WDR64: variants seen among roughly 807,000 people sequenced by gnomAD.
WDR64 encodes the protein WD repeat domain 64.
A neutral mutation model predicts 139.3 loss-of-function variants in WDR64; 112 were observed. The observed-to-expected ratio is 0.80, with a 90% CI of 0.69 to 0.94. The LOEUF is 0.94. WDR64 is among the 40% of genes least tolerant of loss of function. The pLI is 0.00. For synonymous variants in WDR64, 444 were observed against 437.7 expected, an observed-to-expected ratio of 1.01 and a Z score of -0.18; for missense variants, 1,206 against 1,293.1, an observed-to-expected ratio of 0.93 and a Z score of 1.03.
At chr1:241,751,707 A>G (rs1053822836) in intron 14 of WDR64, among the ~76,000 whole-genome samples, 2 of 152,192 alleles carry the variant, frequency 1.3e-5, no homozygotes, top group Admixed American at 1.3e-4. Context: ...ACCCTTGTGC[A>G]ACTGCCCGCT....
chr1:241,684,724 A>C (rs781001081), intron 7 of WDR64, among the ~76,000 whole-genome samples: 2 of 152,128 alleles, frequency 1.3e-5, no homozygotes, highest in Non-Finnish European at 2.9e-5. Context: ...TATCTTCAAA[A>C]ATATCAGTAT....
rs1158083004 is a variant in WDR64 at position 241,656,436 on chromosome 1, C to T, written c.145+3807C>T. ...AGGACAAAGAAAGTCTCATTATCCT[C>T]ATCCAGTGATATTTACAATGAAACT... On this transcript the variant is annotated intron_variant, in intron 1 of 27. Coordinates refer to ENST00000437684, the MANE Select transcript of WDR64 (RefSeq NM_001367482.1). The surrounding 1 kb of genome is among the most constrained non-coding windows in gnomAD (Gnocchi z 4.3). Among the ~76,000 whole-genome samples, 1 of 152,200 alleles carries T rather than the reference C, an allele frequency of 6.6e-6. No individual in the cohort carries two copies. Among genetic ancestry groups the T allele is most frequent in the Non-Finnish European group, 1.5e-5 (1 of 68,034 alleles).
chr1:241,741,489 T>C, intron 11 of WDR64, 27 bp from the exon 12 acceptor site: 1 of 1,570,892 alleles, frequency 6.4e-7, no homozygotes, highest in Non-Finnish European at 8.6e-7. Flanking sequence ...ATATTGCATA[T>C]TTATGAGATT....
At position 241,674,546 on chromosome 1, in the gene WDR64, G is replaced by A. The variant is rs1161443178; in HGVS notation, c.380-98G>A. 4 of 684,770 alleles carry A rather than the reference G, an allele frequency of 5.8e-6. No homozygotes were observed. The East Asian group carries it at 1.2e-4, about 21-fold the overall frequency. 42.4% of individuals were successfully genotyped at this position (684,770 alleles called of 1,614,324 possible). On this transcript the variant is annotated intron_variant, in intron 3 of 27. Coordinates refer to ENST00000437684, the MANE Select transcript of WDR64 (RefSeq NM_001367482.1). ...CTGGGATTACAGGAGTGAGCCACTT[G>A]TGCCCTGGCCATATCATTTTTTAAA...
At chr1:241,739,235 C>A (rs981385682) in intron 11 of WDR64, among the ~76,000 whole-genome samples, 2 of 152,196 alleles carry the variant, frequency 1.3e-5, no homozygotes, top group Admixed American at 1.3e-4. Context: ...CTAGGTTGAG[C>A]ACTTTTTATA....
Position 241,738,490 on chromosome 1 carries a change from G to GT in WDR64, c.1321+2dup, listed in dbSNP as rs775257644. 34 of 1,605,768 alleles carry GT rather than the reference G, an allele frequency of 2.1e-5. No individual in the cohort carries two copies. The highest frequency in any genetic ancestry group is 2.9e-5 in the Non-Finnish European group (34 of 1,176,900). ...GCCAATCATGGCATGCTTATTACGG[G>GT]TAAGTGTACCCAATTAATGTCAAAC... On this transcript the variant is annotated splice_donor_variant, in intron 11 of 27. Transcript: ENST00000437684. LOFTEE classifies it high-confidence loss of function.
rs771626019 is a variant in WDR64 at position 241,652,977 on chromosome 1, AC to A, written c.145+349del. On this transcript the variant is annotated intron_variant, in intron 1 of 27. Transcript: ENST00000437684. The stretch of plus-strand genomic sequence containing the variant: ...CCTGGGATGCTCAGTAATGTATAGC[AC>A]TGCTTTTTCTTAGCCTAAAGATATC... Among the ~76,000 whole-genome samples, 19 of 152,358 alleles carry A rather than the reference AC, an allele frequency of 1.2e-4. No individual in the cohort carries two copies. The East Asian group carries it at 2.1e-3, about 17-fold the overall frequency.
At chr1:241,750,322 C>T (rs1363221854) in intron 14 of WDR64, among the ~76,000 whole-genome samples, 2 of 152,144 alleles carry the variant, frequency 1.3e-5, no homozygotes, top group African/African-American at 2.4e-5. Context: ...CACCCCATCA[C>T]CTCGAACTCA....
At chr1:241,769,631 C>A in intron 17 of WDR64, 126 bp downstream of exon 17, 1 of 824,706 alleles carries the variant, frequency 1.2e-6, no homozygotes, top group East Asian at 2.7e-5. Flanking sequence ...TTCATCCCAG[C>A]ATTAAAGAAG....
intron 23 of WDR64, among the ~76,000 whole-genome samples, chr1:241,784,141 G>T (rs1010411637): frequency 6.6e-6 from 1 of 152,194 alleles, no homozygotes; most frequent in African/African-American, 2.4e-5. Context: ...TGAGGCTAGT[G>T]AGTTAGACAG....
chr1:241,725,467 T>C (rs563443358), intron 10 of WDR64, among the ~76,000 whole-genome samples: 6 of 148,802 alleles, frequency 4.0e-5, no homozygotes, highest in Non-Finnish European at 8.9e-5. Flanking sequence ...CTCTACCCGA[T>C]GCAAAACCCT....
chr1:241,652,526 G>A lies in WDR64; in HGVS notation c.42G>A (p.Gln14=). The A allele has an allele frequency of 6.4e-7, 1 of 1,552,294 alleles. No individual in the cohort carries two copies. Among genetic ancestry groups the A allele is most frequent in the Non-Finnish European group, 8.7e-7 (1 of 1,147,122 alleles). The change falls in exon 1 of 28, where the codon CAG becomes CAA. Residue 14 remains glutamine, a synonymous_variant. Transcript: ENST00000437684. The part of the protein sequence containing the change: ...RKEKRLNMAL[Q]MSNFKKALNR... ...AAAAGCGTCTCAACATGGCACTTCAGATGAGCAATTTCAAAAAGGCTTTGA... is the reference window on the plus strand; with the variant it reads ...AAAAGCGTCTCAACATGGCACTTCAAATGAGCAATTTCAAAAAGGCTTTGA...
At chr1:241,671,943 G>T (rs1229681339) in intron 3 of WDR64, among the ~76,000 whole-genome samples, 3 of 152,156 alleles carry the variant, frequency 2.0e-5, no homozygotes, top group Admixed American at 6.5e-5. Context: ...GGAGGTCAAG[G>T]GGGGATGGAT....
chr1:241,672,017 A>G (rs953438865), intron 3 of WDR64, among the ~76,000 whole-genome samples: 1 of 152,128 alleles, frequency 6.6e-6, no homozygotes, highest in African/African-American at 2.4e-5. Context: ...TCTACTAAAA[A>G]TACAAAAATT....
chr1:241,746,561 A>G (rs1320624131), intron 13 of WDR64, among the ~76,000 whole-genome samples: 2 of 146,406 alleles, frequency 1.4e-5, no homozygotes, highest in African/African-American at 4.9e-5. Context: ...ATTGATAATA[A>G]CCAAAAACTG....
In WDR64 at chr1:241,764,409, T is replaced by A. The variant is rs150821720; in HGVS notation, c.1948-1809T>A. Among the ~76,000 whole-genome samples the A allele has an allele frequency of 6.0e-3, 912 of 152,184 alleles. 5 individuals carry two copies. Among genetic ancestry groups the A allele is most frequent in the Non-Finnish European group, 7.6e-3 (520 of 68,012 alleles). On this transcript the variant is annotated intron_variant, in intron 15 of 27. Transcript: ENST00000437684. ...GGCTCACACCTGTAATCTCAGCATT[T>A]TGGGAGGCCAAGGTGAGAGGATCAC...
At chr1:241,688,324 T>C (rs908056470) in intron 8 of WDR64, among the ~76,000 whole-genome samples, 1 of 152,206 alleles carries the variant, frequency 6.6e-6, no homozygotes. Context: ...TCTTGGGTGA[T>C]GAAAATGTTC....
At chr1:241,788,916 T>C (rs1659133438) in intron 24 of WDR64, among the ~76,000 whole-genome samples, 1 of 152,168 alleles carries the variant, frequency 6.6e-6, no homozygotes, top group Admixed American at 6.5e-5. Flanking sequence ...AGTTTTACTT[T>C]GGGCAATTGC....
Position 241,652,403 on chromosome 1 carries a change from A to C in WDR64, c.-82A>C. Reference sequence around the variant, plus strand: ...GCAAAAACTGAGACAGCAGGGAGGCACTGTAACAACTGGAAAGTTTTCCAA... The same window carrying C: ...GCAAAAACTGAGACAGCAGGGAGGCCCTGTAACAACTGGAAAGTTTTCCAA... On this transcript the variant is annotated 5_prime_UTR_variant, in exon 1 of 28. Transcript: ENST00000437684. 1 of 1,412,404 alleles carries C rather than the reference A, an allele frequency of 7.1e-7. No individual in the cohort carries two copies. The highest frequency in any genetic ancestry group is 1.4e-5 in the African/African-American group (1 of 69,448). The allele number at this position is 1,412,404 out of a possible 1,614,324, so 87.5% of individuals were successfully genotyped here. A position where few individuals can be genotyped will look rare whatever the true frequency, so the allele number is the denominator to read the frequency against.
Sources: allele counts gnomAD v4.1 joint callset (sites outside exome capture counted in the v4.1 genomes callset), GRCh38; gene constraint gnomAD v4.1.1; non-coding constraint Gnocchi (gnomAD v3.1); transcripts MANE v1.5; gene names NCBI Gene and HGNC (gene_info 2026-07-23, HGNC 2026-07-21).